The following PRKAG2 variants were observed in gnomAD, a reference collection of about 807,000 sequenced individuals.
PRKAG2 encodes 5'-AMP-activated protein kinase subunit gamma-2.
PRKAG2 carries 26 observed loss-of-function variants against 69.6 expected under a neutral mutation model. The ratio of observed to expected loss-of-function variants is 0.37; its 90% CI spans 0.27 to 0.52. The LOEUF is 0.52. Among genes scored for constraint, PRKAG2 ranks in the 20% least tolerant of loss-of-function variants. The pLI is 0.90. For missense variants in PRKAG2, 557 were observed against 740.0 expected (o/e 0.75, Z 2.87); for synonymous variants, 293 against 285.0 (o/e 1.03, Z -0.28).
At chr7:151,803,931 A>G (rs894606658) in intron 1 of PRKAG2, among the ~76,000 whole-genome samples, 5 of 107,212 alleles carry the variant, frequency 4.7e-5, no homozygotes, top group Non-Finnish European at 5.3e-5. Flanking sequence ...GTGCGAGACT[A>G]TGTCTCAAAA....
chr7:151,573,507 T>C (rs1326717980), intron 8 of PRKAG2, among the ~76,000 whole-genome samples: 1 of 151,930 alleles, frequency 6.6e-6, no homozygotes. Flanking sequence ...AGAAAAACTT[T>C]GGGCTGCATA....
Position 151,764,134 on chromosome 7 carries a change from T to G in PRKAG2, c.466+17018A>C, listed in dbSNP as rs1465634571. ...GTGAATTGGGGGGTGAGGTTGGCCC[T>G]GATCTGGCAAGCAGTTTGAGTTTTC... On this transcript the variant is annotated intron_variant, in intron 3 of 15. Coordinates refer to ENST00000287878, the MANE Select transcript of PRKAG2 (RefSeq NM_016203.4). 2.0e-5 allele frequency among the ~76,000 whole-genome samples: 3 copies of G among 152,186 alleles called. No homozygotes were observed. The South Asian group carries it at 6.2e-4, about 31-fold the overall frequency.
At chr7:151,624,796 G>A (rs191432291) in intron 5 of PRKAG2, among the ~76,000 whole-genome samples, 320 of 152,230 alleles carry the variant, frequency 2.1e-3, no homozygotes, top group Admixed American at 6.5e-3. Context: ...CCGTTGCTCC[G>A]CCCTCACTGC....
At chr7:151,602,721 T>G (rs921665647) in intron 5 of PRKAG2, among the ~76,000 whole-genome samples, 1 of 152,190 alleles carries the variant, frequency 6.6e-6, no homozygotes, top group Non-Finnish European at 1.5e-5. Context: ...TGAATTGTAG[T>G]TCCCATAATC....
At chr7:151,670,602 A>T (rs1476519585) in intron 4 of PRKAG2, among the ~76,000 whole-genome samples, 1 of 152,178 alleles carries the variant, frequency 6.6e-6, no homozygotes, top group Non-Finnish European at 1.5e-5. Flanking sequence ...GTTTCCTCCC[A>T]CAATAACGGA....
At chr7:151,696,713 C>T (rs751797015) in intron 3 of PRKAG2, among the ~76,000 whole-genome samples, 3 of 152,174 alleles carry the variant, frequency 2.0e-5, no homozygotes, top group South Asian at 2.1e-4. Context: ...TCAGATCCAT[C>T]GGAAGGCAGG....
intron 3 of PRKAG2, among the ~76,000 whole-genome samples, chr7:151,776,625 A>G (rs1047279351): frequency 1.3e-5 from 2 of 152,224 alleles, no homozygotes; most frequent in African/African-American, 4.8e-5. Flanking sequence ...CTCCCTTCGC[A>G]GCTGTCTGCA....
chr7:151,693,322 C>G (rs535862138), intron 3 of PRKAG2, among the ~76,000 whole-genome samples: 5 of 152,068 alleles, frequency 3.3e-5, no homozygotes, highest in African/African-American at 1.2e-4. Flanking sequence ...GAGGGGCGCA[C>G]GAGGGGTTCC....
intron 3 of PRKAG2, among the ~76,000 whole-genome samples, chr7:151,767,094 T>C (rs887853004): frequency 6.6e-6 from 1 of 152,106 alleles, no homozygotes; most frequent in Non-Finnish European, 1.5e-5. Flanking sequence ...CAGAGACATG[T>C]GCATGGAAAA....
At chr7:151,855,958 A>G (rs1302696331) in intron 1 of PRKAG2, among the ~76,000 whole-genome samples, 2 of 152,258 alleles carry the variant, frequency 1.3e-5, no homozygotes, top group African/African-American at 4.8e-5. Flanking sequence ...CAGTAGCCAC[A>G]GGAAGATAAA....
intron 1 of PRKAG2, among the ~76,000 whole-genome samples, chr7:151,815,301 T>C (rs775198142): frequency 2.0e-5 from 3 of 152,180 alleles, no homozygotes; most frequent in South Asian, 2.1e-4. Flanking sequence ...CCTGGGGCCT[T>C]GCTGATCCTG....
chr7:151,620,678 C>T (rs974156724), intron 5 of PRKAG2, among the ~76,000 whole-genome samples: 1 of 152,098 alleles, frequency 6.6e-6, no homozygotes, highest in African/African-American at 2.4e-5. Flanking sequence ...GGGAGTCTCG[C>T]TATGTTGTCC....
intron 6 of PRKAG2, among the ~76,000 whole-genome samples, chr7:151,579,694 A>G (rs1809878600): frequency 6.6e-6 from 1 of 152,142 alleles, no homozygotes; most frequent in South Asian, 2.1e-4. Context: ...AGAAGCTGAA[A>G]TTTATCAAGA....
In PRKAG2 at chr7:151,729,248, C is replaced by A. The variant is rs1433007293; in HGVS notation, c.466+51904G>T. Among the ~76,000 whole-genome samples the A allele has an allele frequency of 2.0e-5, 3 of 152,138 alleles. No homozygotes were observed. In the East Asian group the frequency reaches 5.8e-4, roughly 29 times the overall value. ...TTGTGTGAACACTGTCCCATCATCC[C>A]AAATGCTTCTACTCACTGGCTACAG... On this transcript the variant is annotated intron_variant, in intron 3 of 15. Transcript: ENST00000287878.
intron 3 of PRKAG2, chr7:151,736,153 G>A (rs1325643801): frequency 6.9e-7 from 1 of 1,450,378 alleles, no homozygotes; most frequent in Admixed American, 2.5e-5. Flanking sequence ...GACAGCCCGG[G>A]TTCAAGCGTC....
chr7:151,691,129 G>A (rs554023462), intron 3 of PRKAG2, among the ~76,000 whole-genome samples: 30 of 152,254 alleles, frequency 2.0e-4, no homozygotes, highest in African/African-American at 6.7e-4. Context: ...CCAAAGTCTA[G>A]GATGTGCAAG....
intron 6 of PRKAG2, among the ~76,000 whole-genome samples, chr7:151,581,113 T>C (rs916231322): frequency 1.3e-5 from 2 of 151,994 alleles, no homozygotes; most frequent in Non-Finnish European, 2.9e-5. Flanking sequence ...AATGTATAAC[T>C]AAAAAGCTAG....
chr7:151,703,505 A>T (rs369290624), intron 3 of PRKAG2, among the ~76,000 whole-genome samples: 17 of 125,636 alleles, frequency 1.4e-4, no homozygotes, highest in African/African-American at 6.0e-4. Context: ...CTTGGGCTTT[A>T]AAAAATGTTT....
chr7:151,716,209 G>A (rs1008110709), intron 3 of PRKAG2, among the ~76,000 whole-genome samples: 8 of 152,146 alleles, frequency 5.3e-5, no homozygotes, highest in African/African-American at 1.4e-4. Flanking sequence ...CAGCCCCATG[G>A]GTCAGATGTG....
Sources: gnomAD v4.1 joint callset for allele counts (sites outside exome capture counted in the v4.1 genomes callset) on GRCh38, gnomAD v4.1.1 for gene constraint, MANE v1.5 for transcripts, NCBI Gene and HGNC (gene_info 2026-07-23, HGNC 2026-07-21) for gene names.